The following SEMA3G variants were observed in gnomAD, a reference collection of about 807,000 sequenced individuals.
The protein encoded by SEMA3G is semaphorin 3G.
SEMA3G carries 70 observed loss-of-function variants against 86.2 expected under a neutral mutation model. That is an observed-to-expected ratio of 0.81 (90% confidence interval 0.67 to 0.99). The LOEUF is 0.99. Ranked by LOEUF, SEMA3G falls within the 50% of genes least tolerant of loss-of-function variation. The pLI is 0.00. For synonymous variants in SEMA3G, 416 were observed against 441.4 expected, an observed-to-expected ratio of 0.94 and a Z score of 0.72; for missense variants, 1,002 against 1,072.4, an observed-to-expected ratio of 0.93 and a Z score of 0.92.
chr3:52,435,096 C>T lies in SEMA3G; in HGVS notation c.*507G>A, dbSNP rs568275895. The T allele has an allele frequency of 1.5e-4, 24 of 157,724 alleles. No homozygotes were observed. Among genetic ancestry groups the T allele is most frequent in the African/African-American group, 4.3e-4 (18 of 41,610 alleles). 9.8% of individuals were successfully genotyped at this position (157,724 alleles called of 1,614,324 possible). On this transcript the variant is annotated 3_prime_UTR_variant, in exon 16 of 16. Coordinates refer to ENST00000231721, the MANE Select transcript of SEMA3G (RefSeq NM_020163.3). ...GCATTGTTGCTCCACCTTCCCAACA[C>T]CTCTGTGTTCCCTCCCCAAGTCGGT...
Position 52,441,581 on chromosome 3 carries a change from G to C in SEMA3G, c.660C>G (p.Leu220=). The change falls in exon 6 of 16, where the codon CTC becomes CTG. Residue 220 remains leucine, a synonymous_variant. Transcript: ENST00000231721. ...PALRSDSDQS[L]LHDPRFVMAA... ...TCCAGGGGCAGGCCTCACCGTGCAA[G>C]AGACTCTGGTCAGAGTCGGAACGCA... The C allele has an allele frequency of 6.2e-7, 1 of 1,612,042 alleles. No individual in the cohort carries two copies.
rs1156533902 is a variant in SEMA3G, at chr3:52,444,928, G to A, written c.100C>T (p.Arg34Trp). The A allele has an allele frequency of 4.3e-5, 56 of 1,302,712 alleles. No individual in the cohort carries two copies. Among genetic ancestry groups the A allele is most frequent in the East Asian group, 6.2e-5 (2 of 32,022 alleles). 80.7% of individuals were successfully genotyped at this position (1,302,712 alleles called of 1,614,324 possible). Residue 34 changes from arginine (R) to tryptophan (W), a missense_variant, in exon 1 of 16, where the codon CGG becomes TGG. By Grantham distance (101) the Arg-to-Trp change is moderately radical. Coordinates refer to ENST00000231721, the MANE Select transcript of SEMA3G (RefSeq NM_020163.3). The part of the protein sequence containing the change: ...PSPGPSVPRL[R>W]LSYRDLLSAN... ...GGGCTGGTACCTCGGTAGGAGAGCC[G>A]CAGGCGGGGCACACTGGGGCCGGGG...
At position 52,441,825 on chromosome 3, in the gene SEMA3G, A is replaced by G; in HGVS notation, c.544T>C (p.Phe182Leu). Residue 182 changes from phenylalanine to leucine, a missense_variant, in exon 5 of 16, where the codon TTC becomes CTC. By Grantham distance (22) the Phe-to-Leu change is conservative. Coordinates refer to ENST00000231721, the MANE Select transcript of SEMA3G (RefSeq NM_020163.3). ...HEPSRPFAST[F>L]IDGELYTGLT... ...TGGCCTGGGCATCACCCACCTATGAAGGTGCTGGCAAAGGGACGGCTGGGC... is the reference window on the plus strand; with the variant it reads ...TGGCCTGGGCATCACCCACCTATGAGGGTGCTGGCAAAGGGACGGCTGGGC... The G allele has an allele frequency of 6.2e-7, 1 of 1,607,244 alleles. No homozygotes were observed. The highest frequency in any genetic ancestry group is 8.5e-7 in the Non-Finnish European group (1 of 1,176,926).
In SEMA3G at chr3:52,442,239, G is replaced by A; in HGVS notation, c.405C>T (p.Gly135=). The A allele has an allele frequency of 6.2e-7, 1 of 1,613,958 alleles. No homozygotes were observed. Among genetic ancestry groups the A allele is most frequent in the Non-Finnish European group, 8.5e-7 (1 of 1,179,932 alleles). The change falls in exon 4 of 16, where the codon GGC becomes GGT. Residue 135 remains glycine (G), a synonymous_variant. Coordinates refer to ENST00000231721, the MANE Select transcript of SEMA3G (RefSeq NM_020163.3). The surrounding 1 kb of genome is among the most constrained non-coding windows in gnomAD (Gnocchi z 6.1). Reference sequence around the variant, plus strand: ...CACAGGTGGGCTGGAAGGCCCCAGTGCCACAGGCTAGCAGGTGGGTCCGGT... The same window carrying A: ...CACAGGTGGGCTGGAAGGCCCCAGTACCACAGGCTAGCAGGTGGGTCCGGT... ...PHNRTHLLAC[G]TGAFQPTCAL...
Position 52,437,628 on chromosome 3 carries a change from C to T in SEMA3G, c.1777G>A (p.Gly593Ser), listed in dbSNP as rs752233182. Residue 593 changes from glycine (G) to serine (S), a missense_variant, in exon 15 of 16, where the codon GGC becomes AGC. Coordinates refer to ENST00000231721, the MANE Select transcript of SEMA3G (RefSeq NM_020163.3). ...VGLVAATMVYGTEHNSTFLEC... is the reference protein window; with the variant it reads ...VGLVAATMVYSTEHNSTFLEC... ...AGGAAGGTGCTATTGTGCTCCGTGCCGTAGACCATGGTGGCTGCCACAAGT... is the reference window on the plus strand; with the variant it reads ...AGGAAGGTGCTATTGTGCTCCGTGCTGTAGACCATGGTGGCTGCCACAAGT... 6.8e-6 allele frequency: 11 copies of T among 1,612,708 alleles called. No individual in the cohort carries two copies. Among genetic ancestry groups the T allele is most frequent in the South Asian group, 4.4e-5 (4 of 91,078 alleles).
Position 52,441,673 on chromosome 3 carries a change from C to T in SEMA3G, c.568G>A (p.Gly190Ser). The T allele has an allele frequency of 6.2e-7, 1 of 1,613,566 alleles. No homozygotes were observed. Among genetic ancestry groups the T allele is most frequent in the African/African-American group, 1.3e-5 (1 of 75,010 alleles). Residue 190 changes from glycine (G) to serine (S), a missense_variant, in exon 6 of 16, where the codon GGT becomes AGT. Transcript: ENST00000231721. ...CGCCCCAGGAAGTCAGCAGTGAGACCCGTGTACAGCTCCCCGTCTGGGGTG... is the reference window on the plus strand; with the variant it reads ...CGCCCCAGGAAGTCAGCAGTGAGACTCGTGTACAGCTCCCCGTCTGGGGTG... Reference protein sequence around the residue: ...STFIDGELYTGLTADFLGREA... With the variant: ...STFIDGELYTSLTADFLGREA...
Position 52,440,241 on chromosome 3 carries a change from C to T in SEMA3G, c.1143+136G>A, listed in dbSNP as rs534929882. On this transcript the variant is annotated intron_variant, in intron 10 of 15. Transcript: ENST00000231721. Reference sequence around the variant, plus strand: ...TTCCACTACACCCACCCCACCCCACCCAGGCCCTCTGGAGCCCAGGCTTGG... The same window carrying T: ...TTCCACTACACCCACCCCACCCCACTCAGGCCCTCTGGAGCCCAGGCTTGG... The T allele has an allele frequency of 2.6e-6, 3 of 1,139,948 alleles. No individual in the cohort carries two copies. The African/African-American group carries it at 4.7e-5, about 18-fold the overall frequency. 70.6% of individuals were successfully genotyped at this position (1,139,948 alleles called of 1,614,324 possible). A position where few individuals can be genotyped will look rare whatever the true frequency, so the allele number is the denominator to read the frequency against.
At chr3:52,443,010 A>G (rs1047857164) in intron 1 of SEMA3G, 103 bp from the exon 2 acceptor site, 11 of 1,544,556 alleles carry the variant, frequency 7.1e-6, no homozygotes, top group Non-Finnish European at 9.6e-6. Context: ...CCCCTGACAC[A>G]CTCACATCTG....
rs1024479642 is a variant in SEMA3G, at chr3:52,440,480, G to T, written c.1040C>A (p.Ala347Glu). ...QGFAVCVYHM[A>E]DIWEVFNGPF... is the part of the protein sequence containing the mutation. ...CCCGTTGAAAACCTCCCAGATGTCT[G>T]CCATGTGGTACACACAGACGGCGAA... Residue 347 changes from alanine (A) to glutamate (E), a missense_variant, in exon 10 of 16, where the codon GCA becomes GAA. By Grantham distance (107) the Ala-to-Glu change is moderately radical (BLOSUM62 -1). Coordinates refer to ENST00000231721, the MANE Select transcript of SEMA3G (RefSeq NM_020163.3). 6 of 1,611,766 alleles carry T rather than the reference G, an allele frequency of 3.7e-6. No individual in the cohort carries two copies. The African/African-American group carries it at 8.0e-5, about 22-fold the overall frequency.
At chr3:52,437,888 G>A (rs760468116) in intron 14 of SEMA3G, 83 bp downstream of exon 14, 403 of 1,305,606 alleles carry the variant, frequency 3.1e-4, no homozygotes, top group Non-Finnish European at 4.3e-4. Context: ...AGACCAATCT[G>A]AGAATGCACT....
At position 52,442,109 on chromosome 3, in the gene SEMA3G, T is replaced by C. The variant is rs982487614; in HGVS notation, c.459+76A>G. 1.2e-5 allele frequency: 18 copies of C among 1,531,960 alleles called. No individual in the cohort carries two copies. The highest frequency in any genetic ancestry group is 1.6e-5 in the Non-Finnish European group (18 of 1,133,908). 94.9% of individuals were successfully genotyped at this position (1,531,960 alleles called of 1,614,324 possible). A position where few individuals can be genotyped will look rare whatever the true frequency, so the allele number is the denominator to read the frequency against. On this transcript the variant is annotated intron_variant, in intron 4 of 15. Transcript: ENST00000231721. This position sits in a 1 kb window ranked among gnomAD's most constrained non-coding sequence, Gnocchi z 6.1. ...CCTGCCCCTCTGTCCCTACCCAGGC[T>C]CAATGGGAATGTTCAGGCAGCAGGG... is the stretch of plus-strand genomic sequence containing the variant.
Position 52,442,433 on chromosome 3 carries a change from C to A in SEMA3G, c.339+126G>T. Reference sequence around the variant, plus strand: ...GGTGGGTGTGACATTCCCAGCAGACCTTCAAAAGCCCTCAAGATCTGCTCC... The same window carrying A: ...GGTGGGTGTGACATTCCCAGCAGACATTCAAAAGCCCTCAAGATCTGCTCC... On this transcript the variant is annotated intron_variant, in intron 3 of 15. Transcript: ENST00000231721. This position sits in a 1 kb window ranked among gnomAD's most constrained non-coding sequence, Gnocchi z 6.1. 3.1e-6 allele frequency: 4 copies of A among 1,305,400 alleles called. No homozygotes were observed. The highest frequency in any genetic ancestry group is 1.8e-5 in the Admixed American group (1 of 57,040). The allele number at this position is 1,305,400 out of a possible 1,614,324, so 80.9% of individuals were successfully genotyped here.
chr3:52,444,812 A>G lies in SEMA3G; in HGVS notation c.115+101T>C, dbSNP rs926603385. 20 of 711,004 alleles carry G rather than the reference A, an allele frequency of 2.8e-5. No individual in the cohort carries two copies. The African/African-American group carries it at 3.7e-4, about 13-fold the overall frequency. 44.0% of individuals were successfully genotyped at this position (711,004 alleles called of 1,614,324 possible). On this transcript the variant is annotated intron_variant, in intron 1 of 15. Transcript: ENST00000231721. ...GCACACAAACACGGCACACGCACCC[A>G]AACAGGGCACATGCACACAAACACG...
intron 13 of SEMA3G, 121 bp downstream of exon 13, chr3:52,438,799 T>C: frequency 6.6e-7 from 1 of 1,522,302 alleles, no homozygotes; most frequent in Non-Finnish European, 8.8e-7. Flanking sequence ...CAGGCCTGCC[T>C]CAGCACAGCT....
chr3:52,439,006 C>T (rs1380906181), intron 12 of SEMA3G, 45 bp from the exon 13 acceptor site: 1 of 1,598,144 alleles, frequency 6.3e-7, no homozygotes, highest in South Asian at 1.1e-5. Context: ...TGGACCAAGA[C>T]CTGCCCCTGC....
At chr3:52,439,421 G>A (rs1363738244) in intron 12 of SEMA3G, among the ~76,000 whole-genome samples, 1 of 152,080 alleles carries the variant, frequency 6.6e-6, no homozygotes, top group East Asian at 1.9e-4. Flanking sequence ...ATCCCTCCCA[G>A]CACCCCAGGC....
intron 13 of SEMA3G, 50 bp downstream of exon 13, chr3:52,438,870 G>T (rs536071303): frequency 6.2e-7 from 1 of 1,608,348 alleles, no homozygotes; most frequent in South Asian, 1.1e-5. Context: ...AGGAGGCTGC[G>T]GAGCAGGGGC....
chr3:52,442,500 G>C lies in SEMA3G; in HGVS notation c.339+59C>G. The C allele has an allele frequency of 1.3e-6, 2 of 1,591,440 alleles. No homozygotes were observed. Among genetic ancestry groups the C allele is most frequent in the Non-Finnish European group, 1.7e-6 (2 of 1,159,758 alleles). Reference sequence around the variant, plus strand: ...GGTACCTGGGGCGTGGTCACGGATTGTCCTGGGGGTCAGGGCAGGGTGTCA... The same window carrying C: ...GGTACCTGGGGCGTGGTCACGGATTCTCCTGGGGGTCAGGGCAGGGTGTCA... On this transcript the variant is annotated intron_variant, in intron 3 of 15. Transcript: ENST00000231721. The surrounding 1 kb of genome is among the most constrained non-coding windows in gnomAD (Gnocchi z 6.1).
intron 15 of SEMA3G, 106 bp from the exon 16 acceptor site, chr3:52,436,179 T>A: frequency 1.4e-6 from 2 of 1,456,328 alleles, no homozygotes; most frequent in Non-Finnish European, 1.8e-6. Flanking sequence ...GCCTGGGCAC[T>A]TCTTGCCCTA....
Sources: gnomAD v4.1 joint callset for allele counts (sites outside exome capture counted in the v4.1 genomes callset) on GRCh38, gnomAD v4.1.1 for gene constraint, Gnocchi (gnomAD v3.1) non-coding constraint, MANE v1.5 for transcripts, NCBI Gene and HGNC (gene_info 2026-07-23, HGNC 2026-07-21) for gene names.